The following DPP10 variants were observed in gnomAD, a reference collection of about 807,000 sequenced individuals.
The protein encoded by DPP10 is dipeptidyl peptidase like 10.
In DPP10, 33 loss-of-function variants were observed where a neutral mutation model predicts 120.9. The observed-to-expected ratio is 0.27, with a 90% CI of 0.21 to 0.37. The LOEUF (loss-of-function observed/expected upper bound fraction) is 0.37, where lower values mean the gene tolerates loss of function less well. Ranked by LOEUF, DPP10 falls within the 10% of genes least tolerant of loss-of-function variation. The pLI is 1.00. For synonymous variants in DPP10, 337 were observed against 326.1 expected (o/e 1.03, Z -0.36); for missense variants, 816 against 942.8 (o/e 0.87, Z 1.76).
At chr2:114,770,301 C>T (rs934163269) in intron 1 of DPP10, among the ~76,000 whole-genome samples, 6 of 151,804 alleles carry the variant, frequency 4.0e-5, no homozygotes, top group African/African-American at 7.3e-5. Context: ...CTAGTAATAG[C>T]GAAAAGGGAG....
Position 114,834,549 on chromosome 2 carries a change from C to A in DPP10, c.60+391711C>A, listed in dbSNP as rs571978673. ...ATCTACGCACCTATGTATATATAAG[C>A]CATATCTACGCACCTATGTATATAT... On this transcript the variant is annotated intron_variant, in intron 1 of 25. Coordinates refer to ENST00000410059, the MANE Select transcript of DPP10 (RefSeq NM_020868.6). Among the ~76,000 whole-genome samples the A allele has an allele frequency of 1.7e-3, 256 of 147,128 alleles. 1 individual carries two copies. The highest frequency in any genetic ancestry group is 5.8e-3 in the African/African-American group (225 of 38,870).
intron 1 of DPP10, among the ~76,000 whole-genome samples, chr2:114,718,163 T>G (rs1701476366): frequency 6.6e-6 from 1 of 152,038 alleles, no homozygotes; most frequent in Admixed American, 6.6e-5. Context: ...CTCTCTATAA[T>G]AGCTATCATT....
chr2:115,374,130 C>T (rs779267856), intron 3 of DPP10, among the ~76,000 whole-genome samples: 37 of 152,054 alleles, frequency 2.4e-4, no homozygotes, highest in Non-Finnish European at 2.4e-4. Flanking sequence ...ATGTCCTTCT[C>T]ACATTTCAAA....
chr2:115,084,798 G>T (rs763226698), intron 1 of DPP10, among the ~76,000 whole-genome samples: 1 of 152,120 alleles, frequency 6.6e-6, no homozygotes, highest in Non-Finnish European at 1.5e-5. Flanking sequence ...TAACGATTGT[G>T]TTAAGTTGTG....
chr2:114,759,262 T>TG (rs1300719709), intron 1 of DPP10, among the ~76,000 whole-genome samples: 6 of 152,194 alleles, frequency 3.9e-5, no homozygotes, highest in African/African-American at 1.4e-4. Context: ...TGGTTGTAGT[T>TG]AAACCATTTG....
intron 1 of DPP10, among the ~76,000 whole-genome samples, chr2:114,845,001 G>A (rs1337560881): frequency 6.6e-6 from 1 of 152,158 alleles, no homozygotes; most frequent in Non-Finnish European, 1.5e-5. Flanking sequence ...AGCACAAAGA[G>A]ATTCTGAAGA....
intron 1 of DPP10, among the ~76,000 whole-genome samples, chr2:114,533,554 C>G (rs1163899531): frequency 1.3e-5 from 2 of 151,758 alleles, no homozygotes; most frequent in African/African-American, 4.8e-5. Flanking sequence ...GTGCAGCAAA[C>G]CACTATGGCA....
At chr2:114,559,891 CAAAAAAA>C (rs60833358) in intron 1 of DPP10, among the ~76,000 whole-genome samples, 2 of 65,954 alleles carry the variant, frequency 3.0e-5, no homozygotes, top group Non-Finnish European at 6.2e-5. Flanking sequence ...AGAAAAAAAG[CAAAAAAA>C]AAAAAAAAAA....
intron 1 of DPP10, among the ~76,000 whole-genome samples, chr2:114,826,285 A>T (rs1241977012): frequency 2.0e-5 from 3 of 152,162 alleles, no homozygotes; most frequent in African/African-American, 7.2e-5. Flanking sequence ...CTTCACTGAA[A>T]CATGATGTTT....
intron 1 of DPP10, among the ~76,000 whole-genome samples, chr2:115,247,005 A>G (rs17452993): frequency 0.061 from 9,281 of 152,180 alleles, 333 homozygotes; most frequent in Middle Eastern, 0.11. Flanking sequence ...GTTTTCCCAA[A>G]CAGCTTTATT....
At chr2:115,615,445 C>T (rs563180360) in intron 5 of DPP10, among the ~76,000 whole-genome samples, 5 of 152,208 alleles carry the variant, frequency 3.3e-5, no homozygotes, top group South Asian at 2.1e-4. Flanking sequence ...ATGTTATGAA[C>T]GGCATCGCAC....
chr2:115,781,965 G>A (rs113255369), intron 16 of DPP10, among the ~76,000 whole-genome samples: 22 of 152,068 alleles, frequency 1.4e-4, no homozygotes, highest in Non-Finnish European at 2.4e-4. Flanking sequence ...TTTTGGCTGA[G>A]TGGCAAATAG....
At chr2:115,149,332 G>A (rs2051404240) in intron 1 of DPP10, among the ~76,000 whole-genome samples, 1 of 152,106 alleles carries the variant, frequency 6.6e-6, no homozygotes, top group Non-Finnish European at 1.5e-5. Flanking sequence ...CATATGTAAG[G>A]TAATTCTTCC....
chr2:114,495,561 C>T (rs1374567497), intron 1 of DPP10, among the ~76,000 whole-genome samples: 1 of 152,136 alleles, frequency 6.6e-6, no homozygotes, highest in Non-Finnish European at 1.5e-5. Context: ...TGAATTTGAA[C>T]ATATCACAAG....
At chr2:115,389,274 C>A (rs1480366744) in intron 3 of DPP10, among the ~76,000 whole-genome samples, 2 of 87,024 alleles carry the variant, frequency 2.3e-5, no homozygotes, top group Non-Finnish European at 2.3e-5. Flanking sequence ...CACACACACA[C>A]ACAAACACAC....
At chr2:115,555,752 A>G (rs1479310142) in intron 5 of DPP10, among the ~76,000 whole-genome samples, 2 of 152,090 alleles carry the variant, frequency 1.3e-5, no homozygotes, top group Non-Finnish European at 2.9e-5. Flanking sequence ...CTATCTAAAG[A>G]TGGTATCCCC....
At chr2:115,486,704 C>T (rs373890169) in intron 3 of DPP10, among the ~76,000 whole-genome samples, 2 of 152,096 alleles carry the variant, frequency 1.3e-5, no homozygotes, top group African/African-American at 2.4e-5. Flanking sequence ...TGCAAACAAC[C>T]CTTCTGGTGG....
At chr2:114,824,903 A>G (rs1686397031) in intron 1 of DPP10, among the ~76,000 whole-genome samples, 1 of 152,198 alleles carries the variant, frequency 6.6e-6, no homozygotes, top group South Asian at 2.1e-4. Context: ...AAGGAGACAC[A>G]TGCTCCAATA....
chr2:114,771,521 C>A (rs184792733), intron 1 of DPP10, among the ~76,000 whole-genome samples: 1 of 152,172 alleles, frequency 6.6e-6, no homozygotes, highest in African/African-American at 2.4e-5. Context: ...CATGTGGTTG[C>A]GTCTTCAAAG....
Sources: gnomAD v4.1 joint callset for allele counts (sites outside exome capture counted in the v4.1 genomes callset) on GRCh38, gnomAD v4.1.1 for gene constraint, MANE v1.5 for transcripts, NCBI Gene and HGNC (gene_info 2026-07-23, HGNC 2026-07-21) for gene names.